CASK: variants seen among roughly 807,000 people sequenced by gnomAD.
CASK encodes the protein calcium/calmodulin dependent serine protein kinase.
Under a neutral mutation model 82.9 loss-of-function variants are expected in CASK, and 4 were observed. The observed-to-expected ratio is 0.05, with a 90% confidence interval of 0.02 to 0.11. The LOEUF (loss-of-function observed/expected upper bound fraction) is 0.11. CASK is among the 10% of genes least tolerant of loss of function. The pLI is 1.00. For missense variants in CASK, 358 were observed against 720.9 expected (o/e 0.50, Z 5.76); for synonymous variants, 259 against 253.5 (o/e 1.02, Z -0.20).
At chrX:41,904,046 C>G (rs1189119522) in intron 1 of CASK, among the ~76,000 whole-genome samples, 1 of 111,420 alleles carries the variant, frequency 9.0e-6, no homozygotes, top group Admixed American at 9.5e-5. Context: ...ACTGCCCACA[C>G]TCTCCTCCTC....
chrX:41,719,171 T>C lies in CASK; in HGVS notation c.429+20213A>G, dbSNP rs766769909. Among the ~76,000 whole-genome samples the C allele has an allele frequency of 1.5e-4, 17 of 111,913 alleles. No individual in the cohort carries two copies. In the South Asian group the frequency reaches 5.3e-3, roughly 35 times the overall value. On this transcript the variant is annotated intron_variant, in intron 5 of 26. Coordinates refer to ENST00000378163, the MANE Select transcript of CASK (RefSeq NM_001367721.1). ...CAAGCCTGTCTCTACTCTTTCTCAG[T>C]GTCAATGAAGTGGGGTTTGCTGGAA...
intron 12 of CASK, among the ~76,000 whole-genome samples, chrX:41,593,548 G>C (rs1383854518): frequency 9.0e-6 from 1 of 111,513 alleles, no homozygotes; most frequent in African/African-American, 3.3e-5. Context: ...ATGTATGAAG[G>C]ATTCAACCCT....
intron 3 of CASK, among the ~76,000 whole-genome samples, chrX:41,786,126 C>A (rs761162933): frequency 1.7e-3 from 192 of 111,631 alleles, no homozygotes; most frequent in Middle Eastern, 4.6e-3. Context: ...TGTAGTGGAG[C>A]CTCAAAATGA....
intron 14 of CASK, chrX:41,585,233 T>C: frequency 8.8e-6 from 1 of 113,051 alleles, no homozygotes; most frequent in East Asian, 2.8e-4. Flanking sequence ...AAAAATGCAC[T>C]CATCTACAGG....
chrX:41,783,490 A>G (rs1244064504), intron 3 of CASK, among the ~76,000 whole-genome samples: 2 of 107,269 alleles, frequency 1.9e-5, no homozygotes, highest in Non-Finnish European at 3.9e-5. Flanking sequence ...CGGAGGTTGC[A>G]GTGAGCCAAG....
intron 8 of CASK, among the ~76,000 whole-genome samples, chrX:41,640,759 T>G (rs991886523): frequency 9.0e-6 from 1 of 111,530 alleles, no homozygotes. Flanking sequence ...CTTTACATAT[T>G]GCAAATATGT....
At chrX:41,889,463 T>C (rs188707918) in intron 1 of CASK, among the ~76,000 whole-genome samples, 1 of 111,676 alleles carries the variant, frequency 9.0e-6, no homozygotes, top group East Asian at 2.8e-4. Context: ...GAGAATTGTC[T>C]ATTCATGTCC....
chrX:41,860,988 TG>T (rs1367596607), intron 1 of CASK, among the ~76,000 whole-genome samples: 2 of 112,217 alleles, frequency 1.8e-5, no homozygotes, highest in East Asian at 5.6e-4. Context: ...CTGTCAAAGC[TG>T]AACAATTCAG....
intron 1 of CASK, among the ~76,000 whole-genome samples, chrX:41,909,652 T>C (rs1383525726): frequency 9.0e-6 from 1 of 110,727 alleles, no homozygotes; most frequent in Non-Finnish European, 1.9e-5. Flanking sequence ...TCGCCCAGGC[T>C]GGAGTGCAAT....
Position 41,787,274 on chromosome X carries a change from C to T in CASK, c.182G>A (p.Arg61Gln), listed in dbSNP as rs1341763226. ...SPGLSTEDLK[R>Q]EASICHMLKH... ...CAGCATATGACAGATACTGGCTTCC[C>T]GCTTTAGATCTGTAAAACAAACATA... is the stretch of plus-strand genomic sequence containing the variant. The change falls in exon 3 of 27, where the codon CGG becomes CAG. Residue 61 changes from arginine (R) to glutamine (Q), a missense_variant. Physicochemically the swap from Arg to Gln is conservative, Grantham distance 43 (BLOSUM62 1). Transcript: ENST00000378163. The T allele has an allele frequency of 1.7e-6, 2 of 1,146,146 alleles. No individual in the cohort carries two copies. Among genetic ancestry groups the T allele is most frequent in the Non-Finnish European group, 2.4e-6 (2 of 836,113 alleles). 94.5% of individuals were successfully genotyped at this position (1,146,146 alleles called of 1,213,427 possible).
chrX:41,723,807 A>G (rs1490338808), intron 5 of CASK, among the ~76,000 whole-genome samples: 10 of 112,313 alleles, frequency 8.9e-5, no homozygotes, highest in African/African-American at 3.2e-4. Context: ...TTTTTGATAA[A>G]GATGGATTGC....
At chrX:41,921,021 G>T (rs1301044858) in intron 1 of CASK, among the ~76,000 whole-genome samples, 1 of 111,894 alleles carries the variant, frequency 8.9e-6, no homozygotes, top group Non-Finnish European at 1.9e-5. Context: ...GGAGATTTTT[G>T]ATGCATTTTT....
chrX:41,576,980 T>G (rs1036058417), intron 15 of CASK, among the ~76,000 whole-genome samples: 1 of 112,209 alleles, frequency 8.9e-6, no homozygotes, highest in African/African-American at 3.2e-5. Flanking sequence ...GGTCATAGAG[T>G]CACTGCTATA....
chrX:41,691,137 C>T (rs985690958), intron 5 of CASK, among the ~76,000 whole-genome samples: 49 of 112,267 alleles, frequency 4.4e-4, no homozygotes, highest in African/African-American at 1.5e-3. Context: ...CCAACTATTA[C>T]TTATTTTATT....
chrX:41,601,058 T>C (rs762800322), intron 12 of CASK, among the ~76,000 whole-genome samples: 17 of 111,548 alleles, frequency 1.5e-4, no homozygotes, highest in African/African-American at 5.5e-4. Flanking sequence ...GTCAAATTCA[T>C]AGGGACAGAA....
At chrX:41,536,368 G>A (rs780395225) in intron 22 of CASK, among the ~76,000 whole-genome samples, 4 of 111,040 alleles carry the variant, frequency 3.6e-5, no homozygotes, top group South Asian at 3.8e-4. Flanking sequence ...TTGGCCTCCC[G>A]AAGTGTTGGG....
At chrX:41,828,525 C>T (rs1601875673) in intron 2 of CASK, among the ~76,000 whole-genome samples, 1 of 111,866 alleles carries the variant, frequency 8.9e-6, no homozygotes, top group African/African-American at 3.2e-5. Context: ...CCTCAGAAAC[C>T]TGGCATTGCT....
Position 41,633,054 on chromosome X carries a change from A to AT in CASK, c.915+3523_915+3524insA, listed in dbSNP as rs1569355026. On this transcript the variant is annotated intron_variant, in intron 9 of 26. Coordinates refer to ENST00000378163, the MANE Select transcript of CASK (RefSeq NM_001367721.1). ...GTAAGACTCTCTCAAAAAAAAAAAAAAAAATAATAATAATAATAAAGAAAA... is the reference window on the plus strand; with the variant it reads ...GTAAGACTCTCTCAAAAAAAAAAAAATAAAATAATAATAATAATAAAGAAAA... Among the ~76,000 whole-genome samples, 123 of 88,780 alleles carry AT rather than the reference A, an allele frequency of 1.4e-3. 1 individual carries two copies. The highest frequency in any genetic ancestry group is 4.2e-3 in the African/African-American group (119 of 28,570). 77.1% of individuals were successfully genotyped at this position (88,780 alleles called of 115,157 possible). A position where few individuals can be genotyped will look rare whatever the true frequency, so the allele number is the denominator to read the frequency against.
chrX:41,808,309 AT>A (rs1270406554), intron 2 of CASK, among the ~76,000 whole-genome samples: 1 of 111,786 alleles, frequency 8.9e-6, no homozygotes, highest in Non-Finnish European at 1.9e-5. Context: ...AGGTTTTGCC[AT>A]TTACTCGACT....
Sources: allele counts gnomAD v4.1 joint callset (sites outside exome capture counted in the v4.1 genomes callset), GRCh38; gene constraint gnomAD v4.1.1; transcripts MANE v1.5; gene names NCBI Gene and HGNC (gene_info 2026-07-23, HGNC 2026-07-21).